The following GRIP1 variants were observed in gnomAD, a reference collection of about 807,000 sequenced individuals.
GRIP1 encodes the protein glutamate receptor interacting protein 1.
Under a neutral mutation model 129.9 loss-of-function variants are expected in GRIP1, and 45 were observed. The ratio of observed to expected loss-of-function variants is 0.35; its 90% CI spans 0.27 to 0.44. The LOEUF (loss-of-function observed/expected upper bound fraction) is 0.44, where lower values mean the gene tolerates loss of function less well. GRIP1 is among the 20% of genes least tolerant of loss of function. The probability of loss-of-function intolerance (pLI) is 1.00; values close to 1 mark genes in which losing one functional copy is unlikely to be tolerated. For missense variants in GRIP1, 1,196 were observed against 1,396.8 expected, an observed-to-expected ratio of 0.86 and a Z score of 2.29; for synonymous variants, 530 against 520.8, an observed-to-expected ratio of 1.02 and a Z score of -0.24.
chr12:66,572,601 GA>G (rs2063000351), intron 2 of GRIP1, among the ~76,000 whole-genome samples: 1 of 152,196 alleles, frequency 6.6e-6, no homozygotes, highest in South Asian at 2.1e-4. Context: ...GCTGAAGGAG[GA>G]GGGGGCAGTT....
At chr12:66,634,734 C>T (rs2031185464) in intron 1 of GRIP1, among the ~76,000 whole-genome samples, 1 of 152,222 alleles carries the variant, frequency 6.6e-6, no homozygotes, top group African/African-American at 2.4e-5. Context: ...ATTCAATCCA[C>T]ACATTTAACT....
chr12:66,551,420 G>A (rs2062125535), intron 2 of GRIP1, among the ~76,000 whole-genome samples: 1 of 152,190 alleles, frequency 6.6e-6, no homozygotes, highest in African/African-American at 2.4e-5. Context: ...TTCTTTAGAT[G>A]AAAGTAGAAT....
chr12:66,612,562 G>C (rs2139890994), intron 1 of GRIP1, among the ~76,000 whole-genome samples: 1 of 152,180 alleles, frequency 6.6e-6, no homozygotes, highest in South Asian at 2.1e-4. Context: ...ACTTGAGCCT[G>C]GGAGGTTGAG....
intron 1 of GRIP1, among the ~76,000 whole-genome samples, chr12:66,957,673 C>G (rs1367346572): frequency 3.3e-5 from 5 of 152,052 alleles, no homozygotes; most frequent in African/African-American, 1.2e-4. Context: ...AGAGTAAGAC[C>G]ACAGAGGGAA....
At position 66,399,238 on chromosome 12, in the gene GRIP1, G is replaced by A. The variant is rs965942446; in HGVS notation, c.1985-4886C>T. Among the ~76,000 whole-genome samples the A allele has an allele frequency of 2.6e-4, 40 of 151,806 alleles. 1 individual carries two copies. Among genetic ancestry groups the A allele is most frequent in the African/African-American group, 9.7e-4 (40 of 41,126 alleles). On this transcript the variant is annotated intron_variant, in intron 16 of 24. Transcript: ENST00000359742. The stretch of plus-strand genomic sequence containing the variant: ...GCCAGGAGCGTTGAGTCAGCTTTAG[G>A]GTCAACTGCCAATTCCACCTGCCTT...
intron 23 of GRIP1, among the ~76,000 whole-genome samples, chr12:66,364,587 CAA>C (rs1176385553): frequency 6.6e-6 from 1 of 152,170 alleles, no homozygotes; most frequent in Admixed American, 6.5e-5. Context: ...GGACAGAACT[CAA>C]AGTCATCCTT....
rs187015972 is a variant in GRIP1 at position 66,594,271 on chromosome 12, A to G, written c.136+2576T>C. Among the ~76,000 whole-genome samples the G allele has an allele frequency of 2.1e-3, 314 of 151,966 alleles. 1 individual carries two copies. Among genetic ancestry groups the G allele is most frequent in the African/African-American group, 7.1e-3 (295 of 41,462 alleles). On this transcript the variant is annotated intron_variant, in intron 2 of 24. Coordinates refer to ENST00000359742, the MANE Select transcript of GRIP1 (RefSeq NM_001366722.1). The stretch of plus-strand genomic sequence containing the variant: ...CACTTTTCTCTAGAGGCATCTTTCC[A>G]TGCTACCGGGGTGTTAAAAATACCT...
chr12:66,470,019 T>A (rs1259423224), intron 7 of GRIP1, among the ~76,000 whole-genome samples: 3 of 152,116 alleles, frequency 2.0e-5, no homozygotes, highest in African/African-American at 7.2e-5. Flanking sequence ...CCTCTTGATT[T>A]TACCCCCTAA....
rs1389039142 is a variant in GRIP1, at chr12:66,569,003, C to T, written c.137-27053G>A. On this transcript the variant is annotated intron_variant, in intron 2 of 24. Transcript: ENST00000359742. ...AGATTAATAGTACTTATAATTCTATCTGCGTGCTTCTCAGCATTATTCTGG... is the reference window on the plus strand; with the variant it reads ...AGATTAATAGTACTTATAATTCTATTTGCGTGCTTCTCAGCATTATTCTGG... The T allele has an allele frequency of 1.7e-5, 8 of 474,108 alleles. No homozygotes were observed. The Admixed American group carries it at 1.8e-4, about 10-fold the overall frequency. The allele number at this position is 474,108 out of a possible 1,614,324, so 29.4% of individuals were successfully genotyped here. A position where few individuals can be genotyped will look rare whatever the true frequency, so the allele number is the denominator to read the frequency against.
intron 1 of GRIP1, among the ~76,000 whole-genome samples, chr12:66,959,043 T>C (rs1360910236): frequency 1.3e-5 from 2 of 152,242 alleles, no homozygotes; most frequent in Admixed American, 6.5e-5. Flanking sequence ...TAAATAGGTC[T>C]TTGCCATCTG....
chr12:66,722,254 C>T (rs2036081071), intron 1 of GRIP1, among the ~76,000 whole-genome samples: 1 of 152,128 alleles, frequency 6.6e-6, no homozygotes, highest in Admixed American at 6.6e-5. Context: ...AAGTGAGAGA[C>T]ATGTAAACCC....
chr12:66,906,281 A>C (rs377529881), intron 1 of GRIP1, among the ~76,000 whole-genome samples: 36 of 152,112 alleles, frequency 2.4e-4, no homozygotes, highest in African/African-American at 7.7e-4. Flanking sequence ...AAACAAACAA[A>C]AAAATTAGCT....
intron 1 of GRIP1, among the ~76,000 whole-genome samples, chr12:67,050,566 C>T (rs922060195): frequency 1.3e-5 from 2 of 152,048 alleles, no homozygotes; most frequent in African/African-American, 4.8e-5. Context: ...CACTACAGAA[C>T]GGCAGAGAAA....
chr12:66,578,026 T>G (rs1158509824), intron 2 of GRIP1, among the ~76,000 whole-genome samples: 1 of 152,124 alleles, frequency 6.6e-6, no homozygotes, highest in Non-Finnish European at 1.5e-5. Context: ...TTAAATTAAA[T>G]GTAAGTCTGC....
chr12:66,501,758 C>T (rs964310919), intron 7 of GRIP1, among the ~76,000 whole-genome samples: 1 of 152,142 alleles, frequency 6.6e-6, no homozygotes, highest in Non-Finnish European at 1.5e-5. Context: ...AGACATGTTT[C>T]ATTTTAGAAG....
At chr12:66,757,284 T>C (rs973258984) in intron 1 of GRIP1, among the ~76,000 whole-genome samples, 1 of 152,010 alleles carries the variant, frequency 6.6e-6, no homozygotes, top group African/African-American at 2.4e-5. Flanking sequence ...CTCACGTGAG[T>C]TGGATTGTTT....
intron 24 of GRIP1, among the ~76,000 whole-genome samples, chr12:66,352,106 C>T (rs913008107): frequency 2.0e-4 from 30 of 152,084 alleles, no homozygotes; most frequent in Non-Finnish European, 7.4e-5. Context: ...CAGCATTGTT[C>T]TTGGAACTGA....
intron 1 of GRIP1, among the ~76,000 whole-genome samples, chr12:66,741,941 C>T (rs1224161605): frequency 3.3e-5 from 5 of 152,240 alleles, no homozygotes; most frequent in Admixed American, 3.3e-4. Context: ...TTCATTGCTT[C>T]CCAACCTCTC....
intron 1 of GRIP1, among the ~76,000 whole-genome samples, chr12:66,619,422 T>C (rs1328629270): frequency 3.3e-5 from 5 of 152,098 alleles, no homozygotes; most frequent in Non-Finnish European, 5.9e-5. Flanking sequence ...TACGGGTAGA[T>C]TTCCTTGCCC....
Sources: gnomAD v4.1 joint callset for allele counts (sites outside exome capture counted in the v4.1 genomes callset) on GRCh38, gnomAD v4.1.1 for gene constraint, MANE v1.5 for transcripts, NCBI Gene and HGNC (gene_info 2026-07-23, HGNC 2026-07-21) for gene names.